CACNA1A: variants seen among roughly 807,000 people sequenced by gnomAD.
The protein encoded by CACNA1A is calcium voltage-gated channel subunit alpha1 A.
CACNA1A carries 57 observed loss-of-function variants against 262.4 expected under a neutral mutation model. The ratio of observed to expected loss-of-function variants is 0.22; its 90% CI spans 0.18 to 0.27. CACNA1A has a LOEUF of 0.27. Ranked by LOEUF, CACNA1A falls within the 10% of genes least tolerant of loss-of-function variation. The pLI is 1.00. For missense variants in CACNA1A, 2,526 were observed against 3,562.8 expected (o/e 0.71, Z 7.41); for synonymous variants, 1,431 against 1,419.3 (o/e 1.01, Z -0.18).
chr19:13,482,691 C>A (rs1296713326), intron 1 of CACNA1A, among the ~76,000 whole-genome samples: 3 of 152,132 alleles, frequency 2.0e-5, no homozygotes, highest in Non-Finnish European at 1.5e-5. Context: ...TCCTTCTTTA[C>A]CCTTCTAGGA....
intron 16 of CACNA1A, 71 bp from the exon 17 acceptor site, chr19:13,303,684 T>G: frequency 6.5e-7 from 1 of 1,549,448 alleles, no homozygotes; most frequent in Non-Finnish European, 8.9e-7. Flanking sequence ...TCTGGGTCTC[T>G]CAGTACCCTC....
At chr19:13,402,315 C>T (rs890751337) in intron 3 of CACNA1A, among the ~76,000 whole-genome samples, 3 of 152,148 alleles carry the variant, frequency 2.0e-5, no homozygotes, top group African/African-American at 7.2e-5. Flanking sequence ...GGAGTCATGA[C>T]CACTCAGCAT....
rs8101036 is a variant in CACNA1A, at chr19:13,249,189, G to A, written c.4866+3802C>T. 2.1e-3 allele frequency among the ~76,000 whole-genome samples: 325 copies of A among 152,188 alleles called. 3 individuals carry two copies. The highest frequency in any genetic ancestry group is 7.1e-3 in the African/African-American group (294 of 41,532). ...TATGTTGCCCAGGCTGGTCTGAAAC[G>A]CCTGGGTTCAAGCAATTCTTCTGCC... On this transcript the variant is annotated intron_variant, in intron 30 of 46. Coordinates refer to ENST00000360228, the MANE Select transcript of CACNA1A (RefSeq NM_001127222.2).
At chr19:13,259,343 G>GGTTTTTT (rs2056665021) in intron 27 of CACNA1A, 6 of 79,818 alleles carry the variant, frequency 7.5e-5, no homozygotes, top group African/African-American at 1.6e-4. Context: ...TTTTTTTTTT[G>GGTTTTTT]GGATTTTTAG....
At chr19:13,267,253 A>C (rs906791548) in intron 24 of CACNA1A, among the ~76,000 whole-genome samples, 2 of 152,126 alleles carry the variant, frequency 1.3e-5, no homozygotes, top group Non-Finnish European at 2.9e-5. Flanking sequence ...AAAAAAGAAC[A>C]CAGAACACGC....
At position 13,335,811 on chromosome 19, in the gene CACNA1A, C is replaced by G. The variant is rs1386841882; in HGVS notation, c.1077G>C (p.Leu359=). 1.2e-6 allele frequency: 2 copies of G among 1,604,800 alleles called. No individual in the cohort carries two copies. The highest frequency in any genetic ancestry group is 4.5e-5 in the East Asian group (2 of 44,672). ...GGGGAGTAGCAGAAACTTACCCTGA[C>G]AGCACACCCAGCACAAGGTTCAGCA... The part of the protein sequence containing the change: ...FFMLNLVLGV[L]SGEFAKERER... The change falls in exon 7 of 47, where the codon CTG becomes CTC. Residue 359 remains leucine, a synonymous_variant. Transcript: ENST00000360228.
intron 3 of CACNA1A, among the ~76,000 whole-genome samples, chr19:13,382,205 T>C (rs1202542844): frequency 6.6e-6 from 1 of 152,040 alleles, no homozygotes; most frequent in Non-Finnish European, 1.5e-5. Context: ...AAAGAGGGAA[T>C]GATTACAGCC....
At chr19:13,372,689 G>A (rs1292128106) in intron 3 of CACNA1A, among the ~76,000 whole-genome samples, 3 of 152,146 alleles carry the variant, frequency 2.0e-5, no homozygotes, top group Non-Finnish European at 4.4e-5. Flanking sequence ...GACAAAAAGT[G>A]GTCAGCACAA....
chr19:13,490,024 G>A (rs6511868), intron 1 of CACNA1A, among the ~76,000 whole-genome samples: 102,016 of 151,918 alleles, frequency 0.67, 34,850 homozygotes, highest in African/African-American at 0.8. Context: ...ACACCAGGGC[G>A]GGGATTTTTG....
chr19:13,391,162 G>A (rs1245220152), intron 3 of CACNA1A, among the ~76,000 whole-genome samples: 1 of 152,176 alleles, frequency 6.6e-6, no homozygotes, highest in Non-Finnish European at 1.5e-5. Context: ...TGGGATTACA[G>A]GCGTGAGCCA....
chr19:13,373,332 A>C (rs977244529), intron 3 of CACNA1A, among the ~76,000 whole-genome samples: 1 of 152,100 alleles, frequency 6.6e-6, no homozygotes, highest in Non-Finnish European at 1.5e-5. Context: ...TTGATTTTTC[A>C]GTTTTATCCA....
intron 10 of CACNA1A, among the ~76,000 whole-genome samples, chr19:13,329,264 C>T (rs561912317): frequency 1.4e-4 from 21 of 152,214 alleles, no homozygotes; most frequent in African/African-American, 4.6e-4. Flanking sequence ...TCTGCTATCA[C>T]CACCACAGTG....
chr19:13,284,252 T>C (rs35810891), intron 21 of CACNA1A: 4 of 152,056 alleles, frequency 2.6e-5, no homozygotes, highest in African/African-American at 7.2e-5. Context: ...TTAAAAAAAA[T>C]TTTAAGGCAC....
intron 38 of CACNA1A, among the ~76,000 whole-genome samples, chr19:13,223,310 C>T (rs1228552405): frequency 6.6e-6 from 1 of 152,182 alleles, no homozygotes; most frequent in African/African-American, 2.4e-5. Context: ...TCTTCTGCCT[C>T]ATCCTCCCTA....
In CACNA1A at chr19:13,207,516, CG is replaced by C. The variant is rs1214586505; in HGVS notation, c.7317del (p.Val2440TyrfsTer168). ...GTGGCGCCCGAGGACGCGTGTCGTACGGGGGGTGGCGCGTCGTAGGCCCCGG... is the reference window on the plus strand; with the variant it reads ...GTGGCGCCCGAGGACGCGTGTCGTACGGGGGTGGCGCGTCGTAGGCCCCGG... ...AMAGAYDAPP[P>X]VRHASSGATG... On this transcript the variant is annotated frameshift_variant, in exon 47 of 47. Transcript: ENST00000360228. LOFTEE classifies it high-confidence loss of function. The surrounding 1 kb of genome is among the most constrained non-coding windows in gnomAD (Gnocchi z 5.7). The C allele has an allele frequency of 8.4e-6, 12 of 1,431,678 alleles. No homozygotes were observed. The highest frequency in any genetic ancestry group is 6.2e-5 in the East Asian group (2 of 32,206). 88.7% of individuals were successfully genotyped at this position (1,431,678 alleles called of 1,614,324 possible). A position where few individuals can be genotyped will look rare whatever the true frequency, so the allele number is the denominator to read the frequency against.
At chr19:13,499,157 C>T (rs1314969105) in intron 1 of CACNA1A, among the ~76,000 whole-genome samples, 2 of 151,940 alleles carry the variant, frequency 1.3e-5, no homozygotes, top group African/African-American at 2.4e-5. Context: ...GCTGCACTCT[C>T]GACCGGCCCC....
intron 3 of CACNA1A, among the ~76,000 whole-genome samples, chr19:13,395,273 CAAAA>C (rs58840618): frequency 2.2e-5 from 2 of 88,896 alleles, no homozygotes; most frequent in Non-Finnish European, 4.4e-5. Flanking sequence ...GACTCCATCT[CAAAA>C]AAAAAAAAAA....
At chr19:13,503,168 G>A (rs982107850) in intron 1 of CACNA1A, among the ~76,000 whole-genome samples, 3 of 152,104 alleles carry the variant, frequency 2.0e-5, no homozygotes, top group Non-Finnish European at 4.4e-5. Context: ...CACATACACA[G>A]ATGTGAGCAA....
chr19:13,406,510 T>TATGA, intron 3 of CACNA1A, among the ~76,000 whole-genome samples: 1 of 106,670 alleles, frequency 9.4e-6, no homozygotes, highest in African/African-American at 3.7e-5. Context: ...TATATATATA[T>TATGA]ATGAAGGGAA....
Sources: gnomAD v4.1 joint callset for allele counts (sites outside exome capture counted in the v4.1 genomes callset) on GRCh38, gnomAD v4.1.1 for gene constraint, Gnocchi (gnomAD v3.1) non-coding constraint, MANE v1.5 for transcripts, NCBI Gene and HGNC (gene_info 2026-07-23, HGNC 2026-07-21) for gene names.